Variants in MAPK14 observed in about 807,000 individuals in gnomAD.
MAPK14 encodes the protein CSAID-binding protein.
Under a neutral mutation model 49.6 loss-of-function variants are expected in MAPK14, and 16 were observed. The ratio of observed to expected loss-of-function variants is 0.32; its 90% CI spans 0.22 to 0.49. The LOEUF (loss-of-function observed/expected upper bound fraction) is 0.49. Ranked by LOEUF, MAPK14 falls within the 20% of genes least tolerant of loss-of-function variation. The probability of loss-of-function intolerance (pLI) is 0.99; values close to 1 mark genes in which losing one functional copy is unlikely to be tolerated. For synonymous variants in MAPK14, 142 were observed against 158.0 expected, an observed-to-expected ratio of 0.90 and a Z score of 0.76; for missense variants, 200 against 441.2, an observed-to-expected ratio of 0.45 and a Z score of 4.90.
intron 10 of MAPK14, among the ~76,000 whole-genome samples, chr6:36,104,589 G>A (rs1047082546): frequency 1.3e-5 from 2 of 152,068 alleles, no homozygotes; most frequent in African/African-American, 4.8e-5. Flanking sequence ...GGGTTTCACC[G>A]TGTTAGCCAG....
chr6:36,117,714 T>A, the MAPK14 span, among the ~76,000 whole-genome samples: 4 of 152,120 alleles, frequency 2.6e-5, no homozygotes, highest in Non-Finnish European at 5.9e-5. Context: ...CTAAATGAGT[T>A]AAGACATGAA....
intron 8 of MAPK14, among the ~76,000 whole-genome samples, chr6:36,089,788 C>G (rs1448386559): frequency 1.3e-5 from 2 of 152,192 alleles, no homozygotes; most frequent in Non-Finnish European, 2.9e-5. Flanking sequence ...TCTTCAGGTA[C>G]AGTACTAACT....
At chr6:36,091,307 G>T (rs545948811) in intron 8 of MAPK14, among the ~76,000 whole-genome samples, 1 of 151,312 alleles carries the variant, frequency 6.6e-6, no homozygotes, top group Non-Finnish European at 1.5e-5. Context: ...AGATGACTTC[G>T]TCTAAAGAGT....
intron 3 of MAPK14, among the ~76,000 whole-genome samples, chr6:36,064,151 A>AT (rs1763944813): frequency 1.3e-5 from 2 of 148,944 alleles, no homozygotes; most frequent in South Asian, 2.1e-4. Context: ...AGCTGTTTTT[A>AT]TTTTTTTGTA....
intron 9 of MAPK14, among the ~76,000 whole-genome samples, chr6:36,101,896 G>C (rs955134220): frequency 6.6e-6 from 1 of 152,186 alleles, no homozygotes; most frequent in Non-Finnish European, 1.5e-5. Context: ...TATTAAAACA[G>C]GAGTTTTAAA....
chr6:36,048,594 C>T (rs925743549), intron 1 of MAPK14, among the ~76,000 whole-genome samples: 4 of 152,324 alleles, frequency 2.6e-5, no homozygotes, highest in East Asian at 1.9e-4. Context: ...GACTTTGAGA[C>T]GTCTTTTGGA....
At chr6:36,112,805 A>G (rs1765999059), downstream of MAPK14, among the ~76,000 whole-genome samples, 1 of 152,138 alleles carries the variant, frequency 6.6e-6, no homozygotes, top group Admixed American at 6.6e-5. Context: ...ATCCACCACC[A>G]TTTGCAAGAT....
chr6:36,102,666 T>C lies in MAPK14; in HGVS notation c.841+17T>C, dbSNP rs1765676607. 1 of 1,612,956 alleles carries C rather than the reference T, an allele frequency of 6.2e-7. No individual in the cohort carries two copies. The highest frequency in any genetic ancestry group is 8.5e-7 in the Non-Finnish European group (1 of 1,179,200). On this transcript the variant is annotated intron_variant, in intron 10 of 11. Coordinates refer to ENST00000229794, the MANE Select transcript of MAPK14 (RefSeq NM_139012.3). ...ATCCCCTGGGTAAGTTGACCATATA[T>C]CCTCACCTCATGGATATTGAATTGG... is the stretch of plus-strand genomic sequence containing the variant.
chr6:36,059,057 TG>T (rs1227389433), intron 2 of MAPK14, among the ~76,000 whole-genome samples: 2 of 152,018 alleles, frequency 1.3e-5, no homozygotes, highest in Non-Finnish European at 1.5e-5. Context: ...ACCTGGCTAA[TG>T]TTTGTATTTT....
chr6:36,111,633 CG>C (rs1297973463), downstream of MAPK14, among the ~76,000 whole-genome samples: 1 of 152,024 alleles, frequency 6.6e-6, no homozygotes, highest in Non-Finnish European at 1.5e-5. Flanking sequence ...GAAAGAGCCA[CG>C]GGGTCTCACA....
chr6:36,101,777 G>A (rs988077117), intron 9 of MAPK14, among the ~76,000 whole-genome samples: 1 of 152,210 alleles, frequency 6.6e-6, no homozygotes, highest in Non-Finnish European at 1.5e-5. Context: ...CTCCCAAAGT[G>A]CTGGGATTAC....
Position 36,028,048 on chromosome 6 carries a change from A to C in MAPK14, c.-110A>C. On this transcript the variant is annotated 5_prime_UTR_variant, in exon 1 of 12. Transcript: ENST00000229794. This position sits in a 1 kb window ranked among gnomAD's most constrained non-coding sequence, Gnocchi z 5.1. ...GGCAGCCGCACCTGCGCGGGCGACCAGCGCAAGGTCCCCGCCCGGCTGGGC... is the reference window on the plus strand; with the variant it reads ...GGCAGCCGCACCTGCGCGGGCGACCCGCGCAAGGTCCCCGCCCGGCTGGGC... 7.4e-6 allele frequency: 4 copies of C among 539,702 alleles called. No individual in the cohort carries two copies. Among genetic ancestry groups the C allele is most frequent in the Non-Finnish European group, 1.2e-5 (4 of 323,202 alleles). 33.4% of individuals were successfully genotyped at this position (539,702 alleles called of 1,614,324 possible).
chr6:36,083,319 T>C (rs1764840343), intron 8 of MAPK14, among the ~76,000 whole-genome samples: 1 of 152,226 alleles, frequency 6.6e-6, no homozygotes, highest in African/African-American at 2.4e-5. Context: ...TCATGCTTTT[T>C]CCAAGGATCT....
chr6:36,063,943 A>G (rs774601790), intron 3 of MAPK14, among the ~76,000 whole-genome samples: 12 of 152,166 alleles, frequency 7.9e-5, no homozygotes, highest in Non-Finnish European at 1.6e-4. Context: ...CTGCATGCAT[A>G]TATATTCCTG....
chr6:36,075,981 A>C lies in MAPK14; in HGVS notation c.610+19A>C. 1 of 1,613,384 alleles carries C rather than the reference A, an allele frequency of 6.2e-7. No individual in the cohort carries two copies. Among genetic ancestry groups the C allele is most frequent in the Non-Finnish European group, 8.5e-7 (1 of 1,179,524 alleles). On this transcript the variant is annotated intron_variant, in intron 7 of 11. Transcript: ENST00000229794. ...CAGACAGGTATTACTCGCCTTGGTT[A>C]TTTAGGGCCTTATTTAATTCCATGT...
At chr6:36,073,118 T>C in intron 4 of MAPK14, 134 bp downstream of exon 4, 1 of 675,856 alleles carries the variant, frequency 1.5e-6, no homozygotes, top group Non-Finnish European at 2.7e-6. Context: ...AAAGGTCATA[T>C]AGTACAGTAA....
downstream of MAPK14, among the ~76,000 whole-genome samples, chr6:36,112,327 G>A (rs1465851116): frequency 6.6e-6 from 1 of 152,148 alleles, no homozygotes; most frequent in Non-Finnish European, 1.5e-5. Context: ...CCCAAAGAGA[G>A]CTGACACCAC....
chr6:36,075,225 CAAAAAAAA>C (rs70975130), intron 6 of MAPK14, among the ~76,000 whole-genome samples: 1 of 62,942 alleles, frequency 1.6e-5, no homozygotes, highest in Non-Finnish European at 2.8e-5. Flanking sequence ...GACTCCGTCT[CAAAAAAAA>C]AAAAAAAAAA....
intron 2 of MAPK14, among the ~76,000 whole-genome samples, chr6:36,055,117 T>A (rs902751152): frequency 1.3e-5 from 2 of 152,262 alleles, no homozygotes; most frequent in Non-Finnish European, 2.9e-5. Flanking sequence ...GTTGGACCAT[T>A]CCTGATTGAA....
Sources: gnomAD v4.1 joint callset for allele counts (sites outside exome capture counted in the v4.1 genomes callset) on GRCh38, gnomAD v4.1.1 for gene constraint, Gnocchi (gnomAD v3.1) non-coding constraint, MANE v1.5 for transcripts, NCBI Gene and HGNC (gene_info 2026-07-23, HGNC 2026-07-21) for gene names.